LIN28B: variants seen among roughly 807,000 people sequenced by gnomAD.
The protein encoded by LIN28B is protein lin-28 homolog B.
A neutral mutation model predicts 21.9 loss-of-function variants in LIN28B; 5 were observed. The observed-to-expected ratio is 0.23, with a 90% CI of 0.12 to 0.48. The LOEUF is 0.48. Among genes scored for constraint, LIN28B ranks in the 20% least tolerant of loss-of-function variants. The pLI is 0.98. For missense variants in LIN28B, 245 were observed against 310.5 expected (o/e 0.79, Z 1.58); for synonymous variants, 109 against 111.3 (o/e 0.98, Z 0.13).
Position 105,080,271 on chromosome 6 carries a change from G to A in LIN28B, c.*1488G>A, listed in dbSNP as rs959996073. On this transcript the variant is annotated 3_prime_UTR_variant, in exon 4 of 4. Transcript: ENST00000345080. The stretch of plus-strand genomic sequence containing the variant: ...GGGCAAATTTCTGAAACATCTGCAA[G>A]AAGGTACCAGTTAATTATAGTGCTT... 2 of 152,628 alleles carry A rather than the reference G, an allele frequency of 1.3e-5. No homozygotes were observed. The highest frequency in any genetic ancestry group is 2.9e-5 in the Non-Finnish European group (2 of 68,026). 9.5% of individuals were successfully genotyped at this position (152,628 alleles called of 1,614,324 possible). A position where few individuals can be genotyped will look rare whatever the true frequency, so the allele number is the denominator to read the frequency against.
Position 105,079,177 on chromosome 6 carries a change from A to C in LIN28B, c.*394A>C, listed in dbSNP as rs1484238703. On this transcript the variant is annotated 3_prime_UTR_variant, in exon 4 of 4. Transcript: ENST00000345080. The stretch of plus-strand genomic sequence containing the variant: ...TTTCCAAGAATTGAAAACCCATGTG[A>C]AGCATTATAGATAGTTTTAAATTTA... 1 of 158,836 alleles carries C rather than the reference A, an allele frequency of 6.3e-6. No individual in the cohort carries two copies. Among genetic ancestry groups the C allele is most frequent in the Non-Finnish European group, 1.4e-5 (1 of 71,800 alleles). The allele number at this position is 158,836 out of a possible 1,614,324, so 9.8% of individuals were successfully genotyped here.
rs1212889029 is a variant in LIN28B at position 104,980,560 on chromosome 6, G to A, written c.198+22274G>A. Among the ~76,000 whole-genome samples, 3 of 152,094 alleles carry A rather than the reference G, an allele frequency of 2.0e-5. No homozygotes were observed. In the East Asian group the frequency reaches 5.8e-4, roughly 29 times the overall value. ...GTCATATGCTGACCTGAATTTAAAT[G>A]GCAAATGTACTTCAGGGTCTGTCGT... On this transcript the variant is annotated intron_variant, in intron 2 of 3. Coordinates refer to ENST00000345080, the MANE Select transcript of LIN28B (RefSeq NM_001004317.4).
intron 3 of LIN28B, among the ~76,000 whole-genome samples, chr6:105,029,836 T>C (rs1445737145): frequency 6.6e-6 from 1 of 152,124 alleles, no homozygotes; most frequent in Admixed American, 6.5e-5. Flanking sequence ...GCACTGGAGA[T>C]GTATGCAGGG....
At chr6:104,947,661 GTATA>G (rs1476422574) in intron 2 of LIN28B, among the ~76,000 whole-genome samples, 1 of 150,772 alleles carries the variant, frequency 6.6e-6, no homozygotes, top group Admixed American at 6.6e-5. Context: ...GAATTATTTT[GTATA>G]TATGTATTTT....
chr6:105,073,051 A>G (rs987221822), intron 3 of LIN28B, among the ~76,000 whole-genome samples: 3 of 151,830 alleles, frequency 2.0e-5, no homozygotes, highest in East Asian at 1.9e-4. Flanking sequence ...GCTTCCATCA[A>G]TATGCTCTGG....
At chr6:104,937,286 A>G (rs2114533063) in intron 2 of LIN28B, among the ~76,000 whole-genome samples, 1 of 152,176 alleles carries the variant, frequency 6.6e-6, no homozygotes, top group East Asian at 1.9e-4. Flanking sequence ...GGCGCGCGCC[A>G]CCACGCCCAG....
At chr6:105,027,666 A>G (rs2114343227) in intron 3 of LIN28B, among the ~76,000 whole-genome samples, 1 of 152,112 alleles carries the variant, frequency 6.6e-6, no homozygotes, top group African/African-American at 2.4e-5. Flanking sequence ...ACTCTCCTTG[A>G]TGTTACCTGA....
Position 105,053,714 on chromosome 6 carries a change from CGTGTGT to C in LIN28B, c.384-24675_384-24670del, listed in dbSNP as rs59369365. Among the ~76,000 whole-genome samples, 117 of 147,388 alleles carry C rather than the reference CGTGTGT, an allele frequency of 7.9e-4. 1 individual carries two copies. The South Asian group carries it at 0.012, about 15-fold the overall frequency. On this transcript the variant is annotated intron_variant, in intron 3 of 3. Coordinates refer to ENST00000345080, the MANE Select transcript of LIN28B (RefSeq NM_001004317.4). The stretch of plus-strand genomic sequence containing the variant: ...TGTTTGTATGGTGTGTGTGTGGGTG[CGTGTGT>C]GTGTGTGTGTGTGTGTGTGTGTGTA...
At chr6:104,989,649 A>G (rs1175702268) in intron 2 of LIN28B, among the ~76,000 whole-genome samples, 2 of 128,782 alleles carry the variant, frequency 1.6e-5, no homozygotes, top group South Asian at 2.6e-4. Flanking sequence ...GCTAGAGTGC[A>G]GTGGCATGAT....
intron 3 of LIN28B, among the ~76,000 whole-genome samples, chr6:105,051,386 C>A (rs1474070505): frequency 1.5e-4 from 22 of 148,206 alleles, no homozygotes; most frequent in Admixed American, 1.5e-3. Context: ...TTGCAGTGAG[C>A]TGAGATCGTG....
At chr6:104,978,837 TC>T (rs1770160817) in intron 2 of LIN28B, among the ~76,000 whole-genome samples, 1 of 152,164 alleles carries the variant, frequency 6.6e-6, no homozygotes, top group African/African-American at 2.4e-5. Context: ...TTTACCTCCA[TC>T]CCCATATGCC....
chr6:105,053,849 C>T lies in LIN28B; in HGVS notation c.384-24565C>T, dbSNP rs142224118. On this transcript the variant is annotated intron_variant, in intron 3 of 3. Transcript: ENST00000345080. ...CCGGGTTCAAGTAATTCTCCTGCCT[C>T]AGCCTGCCATATTCAGGATTACAGG... is the stretch of plus-strand genomic sequence containing the variant. Among the ~76,000 whole-genome samples the T allele has an allele frequency of 3.3e-5, 5 of 152,200 alleles. No homozygotes were observed. In the South Asian group the frequency reaches 6.2e-4, roughly 19 times the overall value.
In LIN28B at chr6:105,023,315, T is replaced by A. The variant is rs1484658088; in HGVS notation, c.199-2983T>A. The stretch of plus-strand genomic sequence containing the variant: ...TATATATATTTATATATAATTATAT[T>A]ATATATAATATATATAATTATATTA... On this transcript the variant is annotated intron_variant, in intron 2 of 3. Coordinates refer to ENST00000345080, the MANE Select transcript of LIN28B (RefSeq NM_001004317.4). 2.6e-3 allele frequency among the ~76,000 whole-genome samples: 69 copies of A among 26,672 alleles called. 1 individual carries two copies. The highest frequency in any genetic ancestry group is 8.8e-3 in the African/African-American group (67 of 7,602). The allele number at this position is 26,672 out of a possible 152,430, so 17.5% of individuals were successfully genotyped here.
At chr6:104,957,288 G>A (rs1240792247) in intron 1 of LIN28B, 28 bp downstream of exon 1, 1 of 1,542,712 alleles carries the variant, frequency 6.5e-7, no homozygotes, top group Admixed American at 1.7e-5. Context: ...TTGTTTTACT[G>A]TGAATTTCTT....
At chr6:105,042,328 T>C (rs985237909) in intron 3 of LIN28B, among the ~76,000 whole-genome samples, 6 of 152,084 alleles carry the variant, frequency 3.9e-5, no homozygotes, top group African/African-American at 1.5e-4. Flanking sequence ...GCTTGTACTA[T>C]AATCTAAGTT....
chr6:104,946,457 G>C (rs1393189130), intron 2 of LIN28B, among the ~76,000 whole-genome samples: 1 of 152,076 alleles, frequency 6.6e-6, no homozygotes, highest in East Asian at 1.9e-4. Context: ...AGTAAGGTTT[G>C]TAATAGATAT....
chr6:105,043,794 C>T (rs747407362), intron 3 of LIN28B, among the ~76,000 whole-genome samples: 28 of 151,868 alleles, frequency 1.8e-4, no homozygotes, highest in African/African-American at 3.9e-4. Context: ...CTAGGCTAGT[C>T]GGGTTTCACA....
intron 3 of LIN28B, among the ~76,000 whole-genome samples, chr6:105,066,549 T>G (rs1772224218): frequency 1.3e-5 from 2 of 152,172 alleles, no homozygotes; most frequent in South Asian, 4.1e-4. Context: ...CCTTTGGAAT[T>G]TCTCATGTTC....
At chr6:105,027,870 A>T (rs1771320042) in intron 3 of LIN28B, among the ~76,000 whole-genome samples, 1 of 152,120 alleles carries the variant, frequency 6.6e-6, no homozygotes, top group South Asian at 2.1e-4. Flanking sequence ...TCTCTGTAGC[A>T]CTTGTTGCCT....
Sources: gnomAD v4.1 joint callset for allele counts (sites outside exome capture counted in the v4.1 genomes callset) on GRCh38, gnomAD v4.1.1 for gene constraint, MANE v1.5 for transcripts, NCBI Gene and HGNC (gene_info 2026-07-23, HGNC 2026-07-21) for gene names.